CSF1R: variants seen among roughly 807,000 people sequenced by gnomAD.
The protein encoded by CSF1R is colony stimulating factor 1 receptor.
A neutral mutation model predicts 110.0 loss-of-function variants in CSF1R; 40 were observed. The observed-to-expected ratio is 0.36, with a 90% CI of 0.28 to 0.47. The LOEUF is 0.47. Among genes scored for constraint, CSF1R ranks in the 20% least tolerant of loss-of-function variants. CSF1R has a pLI of 0.99. For missense variants in CSF1R, 1,052 were observed against 1,253.0 expected, an observed-to-expected ratio of 0.84 and a Z score of 2.42; for synonymous variants, 523 against 503.4, an observed-to-expected ratio of 1.04 and a Z score of -0.52.
At chr5:150,081,317 C>G (rs1322516964) in intron 1 of CSF1R, among the ~76,000 whole-genome samples, 1 of 152,230 alleles carries the variant, frequency 6.6e-6, no homozygotes, top group Non-Finnish European at 1.5e-5. Context: ...CCTCCTGCCT[C>G]AGTCTTCCCT....
At chr5:150,079,750 T>TC (rs112212559) in intron 3 of CSF1R, among the ~76,000 whole-genome samples, 5,463 of 152,216 alleles carry the variant, frequency 0.036, 319 homozygotes, top group African/African-American at 0.12. Context: ...TCAGTGAGGC[T>TC]CCCCGCCCTA....
intron 12 of CSF1R, 133 bp downstream of exon 12, chr5:150,061,357 TC>T: frequency 1.3e-6 from 1 of 760,108 alleles, no homozygotes. Context: ...AAAACCCAAG[TC>T]CTCACCCCTG....
At chr5:150,088,835 C>T (rs181676777), upstream of CSF1R, among the ~76,000 whole-genome samples, 4 of 152,260 alleles carry the variant, frequency 2.6e-5, no homozygotes, top group Non-Finnish European at 5.9e-5. Flanking sequence ...CACCCAGCCA[C>T]CAGCAAACCA....
At position 150,053,961 on chromosome 5, in the gene CSF1R, G is replaced by T. The variant is rs746976121; in HGVS notation, c.*108C>A. 1.8e-6 allele frequency: 2 copies of T among 1,141,184 alleles called. No individual in the cohort carries two copies. The highest frequency in any genetic ancestry group is 2.0e-5 in the Admixed American group (1 of 49,270). 70.7% of individuals were successfully genotyped at this position (1,141,184 alleles called of 1,614,324 possible). A position where few individuals can be genotyped will look rare whatever the true frequency, so the allele number is the denominator to read the frequency against. ...AGTTTCAGAGCTGGGCCGAGCTGTT[G>T]AGTGAAATGACCGAAGGCAGAGTTT... is the stretch of plus-strand genomic sequence containing the variant. On this transcript the variant is annotated 3_prime_UTR_variant, in exon 21 of 21. Transcript: ENST00000675795.
intron 6 of CSF1R, 60 bp downstream of exon 6, chr5:150,073,237 ATGCT>A: frequency 3.3e-6 from 5 of 1,521,202 alleles, no homozygotes; most frequent in Non-Finnish European, 4.5e-6. Flanking sequence ...AAGCGTCCTG[ATGCT>A]TGCTGAAGCA....
intron 9 of CSF1R, among the ~76,000 whole-genome samples, chr5:150,069,364 C>T (rs1446957448): frequency 1.3e-5 from 2 of 152,186 alleles, no homozygotes; most frequent in Non-Finnish European, 2.9e-5. Context: ...GCATCATCCC[C>T]CGGGGCAGCC....
At chr5:150,078,871 A>G (rs1162660536) in intron 3 of CSF1R, among the ~76,000 whole-genome samples, 1 of 152,036 alleles carries the variant, frequency 6.6e-6, no homozygotes, top group African/African-American at 2.4e-5. Context: ...TGACCAGCTG[A>G]TATGAATTAG....
At chr5:150,075,959 A>G (rs1171230756) in intron 5 of CSF1R, among the ~76,000 whole-genome samples, 2 of 152,130 alleles carry the variant, frequency 1.3e-5, no homozygotes, top group Non-Finnish European at 2.9e-5. Context: ...CATGATTCTC[A>G]TGCTCCTCGC....
chr5:150,059,149 A>G (rs112007731), intron 14 of CSF1R, among the ~76,000 whole-genome samples: 2 of 152,196 alleles, frequency 1.3e-5, no homozygotes, highest in African/African-American at 4.8e-5. Flanking sequence ...GGTTCAAGCA[A>G]TTCTCCCGCC....
chr5:150,061,925 G>C lies in CSF1R; in HGVS notation c.1627-76C>G, dbSNP rs1262720746. The C allele has an allele frequency of 3.1e-6, 5 of 1,602,274 alleles. No individual in the cohort carries two copies. In the Admixed American group the frequency reaches 6.7e-5, roughly 21 times the overall value. ...TGGACCTTGTTTCTGACCCCCAAGAGCAGGGGTGTGGGCAGTCCCAAGGCG... is the reference window on the plus strand; with the variant it reads ...TGGACCTTGTTTCTGACCCCCAAGACCAGGGGTGTGGGCAGTCCCAAGGCG... On this transcript the variant is annotated intron_variant, in intron 10 of 20. Coordinates refer to ENST00000675795, the MANE Select transcript of CSF1R (RefSeq NM_001288705.3).
intron 5 of CSF1R, among the ~76,000 whole-genome samples, chr5:150,073,830 A>G (rs771880592): frequency 2.0e-5 from 3 of 152,202 alleles, no homozygotes; most frequent in African/African-American, 7.2e-5. Flanking sequence ...ACACACACAC[A>G]CATACACACA....
At chr5:150,072,820 A>T (rs987363646) in intron 6 of CSF1R, among the ~76,000 whole-genome samples, 3 of 152,220 alleles carry the variant, frequency 2.0e-5, no homozygotes, top group African/African-American at 4.8e-5. Flanking sequence ...GGGCTGGGTG[A>T]TCACAATCCT....
chr5:150,073,037 C>G (rs1259125608), intron 6 of CSF1R, among the ~76,000 whole-genome samples: 1 of 152,074 alleles, frequency 6.6e-6, no homozygotes. Flanking sequence ...ATGCACACTC[C>G]CAAGAAATGG....
rs941823186 is a variant in CSF1R, at chr5:150,070,000, C to A, written c.1383G>T (p.Glu461Asp). 6.2e-7 allele frequency: 1 copy of A among 1,614,058 alleles called. No homozygotes were observed. Among genetic ancestry groups the A allele is most frequent in the Non-Finnish European group, 8.5e-7 (1 of 1,180,026 alleles). The change falls in exon 9 of 21, where the codon GAG (glutamate) becomes GAT (aspartate). Residue 461 changes from glutamate (E) to aspartate (D), a missense_variant. Glu to Asp is a conservative substitution (Grantham distance 45). This residue lies in a region of CSF1R where 693 missense variants were observed against 735.4 expected (regional missense o/e 0.94). Coordinates refer to ENST00000675795, the MANE Select transcript of CSF1R (RefSeq NM_001288705.3). ...TCTGCACCGTCACCTTGTGGAAGGG[C>A]TCCTGGCTCAGGACCTCAGGGTATG... is the stretch of plus-strand genomic sequence containing the variant. Reference protein sequence around the residue: ...DDPYPEVLSQEPFHKVTVQSL... With the variant: ...DDPYPEVLSQDPFHKVTVQSL...
At chr5:150,081,330 T>A (rs1382272152) in intron 1 of CSF1R, among the ~76,000 whole-genome samples, 1 of 152,186 alleles carries the variant, frequency 6.6e-6, no homozygotes, top group Admixed American at 6.5e-5. Flanking sequence ...TCTTCCCTGC[T>A]GTGATGCCAT....
At position 150,055,170 on chromosome 5, in the gene CSF1R, G is replaced by A. The variant is rs939713085; in HGVS notation, c.2654+67C>T. ...GGACAGGGAAAGATCAGGGCCACAC[G>A]GCCTTCCATCCCTTTCCAGCGAAAG... On this transcript the variant is annotated intron_variant, in intron 19 of 20. Transcript: ENST00000675795. 2.2e-5 allele frequency: 31 copies of A among 1,390,952 alleles called. No individual in the cohort carries two copies. In the African/African-American group the frequency reaches 2.7e-4, roughly 12 times the overall value. 86.2% of individuals were successfully genotyped at this position (1,390,952 alleles called of 1,614,324 possible).
intron 10 of CSF1R, among the ~76,000 whole-genome samples, chr5:150,066,320 A>G (rs974289520): frequency 2.6e-5 from 4 of 152,158 alleles, no homozygotes; most frequent in Non-Finnish European, 4.4e-5. Context: ...CCATTTTACA[A>G]ATGGAGAAGA....
At chr5:150,094,261 A>C in intron 1 of CSF1R, 2 of 1,313,686 alleles carry the variant, frequency 1.5e-6, no homozygotes, top group South Asian at 2.5e-5. Flanking sequence ...GTGTATATGC[A>C]CTTTAGAACA....
upstream of CSF1R, chr5:150,086,740 G>A (rs751428985): frequency 5.4e-6 from 2 of 369,106 alleles, no homozygotes; most frequent in Non-Finnish European, 5.0e-6. Context: ...TAAGTTTGGG[G>A]CCCTTCTAAA....
Sources: gnomAD v4.1 joint callset for allele counts (sites outside exome capture counted in the v4.1 genomes callset) on GRCh38, gnomAD v4.1.1 for gene constraint, gnomAD v4.1.1 regional missense constraint, MANE v1.5 for transcripts, NCBI Gene and HGNC (gene_info 2026-07-23, HGNC 2026-07-21) for gene names.